Variants in XKR9 observed in about 807,000 individuals in gnomAD.
XKR9 encodes the protein XK related 9.
Under a neutral mutation model 32.0 loss-of-function variants are expected in XKR9, and 32 were observed. The observed-to-expected ratio is 1.00, with a 90% CI of 0.76 to 1.34. The LOEUF (loss-of-function observed/expected upper bound fraction) is 1.34. Ranked by LOEUF, XKR9 falls within the 40% of genes most tolerant of loss-of-function variation. The pLI is 0.00. For synonymous variants in XKR9, 168 were observed against 143.4 expected (o/e 1.17, Z -1.22); for missense variants, 546 against 429.7 (o/e 1.27, Z -2.39).
chr8:70,897,261 AC>A, the XKR9 span, among the ~76,000 whole-genome samples: 1 of 152,104 alleles, frequency 6.6e-6, no homozygotes, highest in African/African-American at 2.4e-5. Flanking sequence ...TGTATGTACC[AC>A]TTTTTCTTTA....
chr8:71,061,294 A>G, the XKR9 span, among the ~76,000 whole-genome samples: 1 of 152,100 alleles, frequency 6.6e-6, no homozygotes, highest in Non-Finnish European at 1.5e-5. Context: ...TGGCCCTGCC[A>G]TCATAGTGGC....
At chr8:70,684,005 C>G (rs960746852) in intron 3 of XKR9, among the ~76,000 whole-genome samples, 3 of 152,104 alleles carry the variant, frequency 2.0e-5, no homozygotes, top group Non-Finnish European at 4.4e-5. Context: ...TCTATTGTTG[C>G]TCTGGAGGAG....
chr8:70,935,197 A>G, the XKR9 span, among the ~76,000 whole-genome samples: 1 of 46,230 alleles, frequency 2.2e-5, no homozygotes, highest in Non-Finnish European at 3.7e-5. Context: ...ATATATATAC[A>G]TATACATATA....
chr8:70,939,659 AT>A, the XKR9 span, among the ~76,000 whole-genome samples: 1 of 152,056 alleles, frequency 6.6e-6, no homozygotes, highest in Non-Finnish European at 1.5e-5. Context: ...AGTCCTGAGA[AT>A]TGTAGTAATC....
At chr8:70,957,216 T>C in the XKR9 span, among the ~76,000 whole-genome samples, 1 of 152,252 alleles carries the variant, frequency 6.6e-6, no homozygotes, top group East Asian at 1.9e-4. Context: ...TATTTTATTC[T>C]GTCTTTGAAA....
chr8:70,677,981 C>T (rs1256746184), intron 2 of XKR9: 1 of 152,144 alleles, frequency 6.6e-6, no homozygotes, highest in Non-Finnish European at 1.5e-5. Flanking sequence ...CCAGTAGAAC[C>T]ATGCTAAGGA....
rs576972793 is a variant in XKR9 at position 70,780,188 on chromosome 8, A to G, written n.353-9151A>G. ...TTTTTCAATTTTATTGTACTTTTTC[A>G]TGAACTGGCTTATATTTAATTTATT... On this transcript the variant is annotated intron_variant and non_coding_transcript_variant, in intron 2 of 3. Transcript: ENST00000520273. Among the ~76,000 whole-genome samples, 8 of 151,680 alleles carry G rather than the reference A, an allele frequency of 5.3e-5. No individual in the cohort carries two copies. In the South Asian group the frequency reaches 1.5e-3, roughly 28 times the overall value.
At chr8:70,739,893 C>T (rs986853947), downstream of XKR9, among the ~76,000 whole-genome samples, 3 of 152,220 alleles carry the variant, frequency 2.0e-5, no homozygotes, top group African/African-American at 4.8e-5. Flanking sequence ...CTCTGGCTGC[C>T]CTTAACATTT....
At chr8:70,894,663 G>A in the XKR9 span, among the ~76,000 whole-genome samples, 27 of 152,256 alleles carry the variant, frequency 1.8e-4, no homozygotes, top group South Asian at 4.8e-3. Context: ...CACTCTGGGC[G>A]ACCAAGGCAC....
At chr8:70,842,405 T>C in the XKR9 span, among the ~76,000 whole-genome samples, 1 of 152,196 alleles carries the variant, frequency 6.6e-6, no homozygotes, top group East Asian at 1.9e-4. Context: ...TCTAGTTCCT[T>C]TGAATGTAGA....
At chr8:70,707,433 A>G (rs1805760695) in intron 4 of XKR9, among the ~76,000 whole-genome samples, 1 of 151,976 alleles carries the variant, frequency 6.6e-6, no homozygotes, top group South Asian at 2.1e-4. Flanking sequence ...TTTAACACAA[A>G]TGGTAACATA....
the XKR9 span, among the ~76,000 whole-genome samples, chr8:70,935,105 A>G: frequency 6.8e-6 from 1 of 145,996 alleles, no homozygotes; most frequent in Admixed American, 6.9e-5. Context: ...TCTTCAGTAT[A>G]TATATATATA....
At chr8:70,983,729 C>G in the XKR9 span, among the ~76,000 whole-genome samples, 85 of 151,930 alleles carry the variant, frequency 5.6e-4, no homozygotes, top group South Asian at 1.2e-3. Context: ...TGCAGTGAGC[C>G]AAGATCGCAC....
chr8:70,971,136 T>A, the XKR9 span, among the ~76,000 whole-genome samples: 1 of 152,188 alleles, frequency 6.6e-6, no homozygotes, highest in African/African-American at 2.4e-5. Context: ...CAACACCTAC[T>A]ATTTTTTTAT....
chr8:70,691,611 A>G (rs1805073244), intron 3 of XKR9, among the ~76,000 whole-genome samples: 1 of 152,236 alleles, frequency 6.6e-6, no homozygotes, highest in Non-Finnish European at 1.5e-5. Flanking sequence ...GAAGAGGTCC[A>G]ACTTCAATCT....
chr8:70,829,568 C>A, the XKR9 span, among the ~76,000 whole-genome samples: 4 of 152,324 alleles, frequency 2.6e-5, no homozygotes, highest in East Asian at 7.7e-4. Flanking sequence ...CCTGCCTCAG[C>A]CTCCTGAGTA....
At chr8:70,835,965 A>G in the XKR9 span, among the ~76,000 whole-genome samples, 3 of 152,060 alleles carry the variant, frequency 2.0e-5, no homozygotes, top group Non-Finnish European at 1.5e-5. Context: ...GGAAAATTTT[A>G]AATATACAGG....
chr8:70,964,064 C>T, the XKR9 span, among the ~76,000 whole-genome samples: 1 of 152,116 alleles, frequency 6.6e-6, no homozygotes, highest in African/African-American at 2.4e-5. Flanking sequence ...AATGGTATTG[C>T]CTAGATTTTC....
chr8:70,763,536 A>T (rs1807335071), intron 2 of XKR9, among the ~76,000 whole-genome samples: 1 of 152,310 alleles, frequency 6.6e-6, no homozygotes, highest in Non-Finnish European at 1.5e-5. Flanking sequence ...CATTAATGTA[A>T]TTCTTCTATT....
Sources: allele counts gnomAD v4.1 joint callset (sites outside exome capture counted in the v4.1 genomes callset), GRCh38; gene constraint gnomAD v4.1.1; transcripts MANE v1.5; gene names NCBI Gene and HGNC (gene_info 2026-07-23, HGNC 2026-07-21).